The following VWC2L variants were observed in gnomAD, a reference collection of about 807,000 sequenced individuals.
VWC2L encodes the protein von Willebrand factor C domain-containing protein 2-like.
Under a neutral mutation model 21.6 loss-of-function variants are expected in VWC2L, and 10 were observed. The observed-to-expected ratio is 0.46, with a 90% confidence interval of 0.29 to 0.78. The LOEUF is 0.78. Among genes scored for constraint, VWC2L ranks in the 30% least tolerant of loss-of-function variants. The pLI, the probability that VWC2L is intolerant of heterozygous loss-of-function variation, is 0.10. For synonymous variants in VWC2L, 96 were observed against 94.3 expected, an observed-to-expected ratio of 1.02 and a Z score of -0.10; for missense variants, 209 against 277.1, an observed-to-expected ratio of 0.75 and a Z score of 1.74.
chr2:214,434,643 A>G (rs528106072), intron 2 of VWC2L, among the ~76,000 whole-genome samples: 195 of 152,282 alleles, frequency 1.3e-3, no homozygotes, highest in African/African-American at 4.6e-3. Flanking sequence ...AAAGATAAAA[A>G]CAAGTCTTGC....
At chr2:214,489,497 T>C (rs1430896596) in intron 3 of VWC2L, among the ~76,000 whole-genome samples, 1 of 152,142 alleles carries the variant, frequency 6.6e-6, no homozygotes, top group East Asian at 1.9e-4. Flanking sequence ...AGTACAGAGA[T>C]TTTAAATATG....
intron 3 of VWC2L, among the ~76,000 whole-genome samples, chr2:214,458,604 A>G (rs902209097): frequency 6.6e-6 from 1 of 152,008 alleles, no homozygotes; most frequent in Non-Finnish European, 1.5e-5. Context: ...CTTTTGCTCT[A>G]TTACCATGGG....
chr2:214,491,697 G>A (rs975581295), intron 3 of VWC2L, among the ~76,000 whole-genome samples: 2 of 152,134 alleles, frequency 1.3e-5, no homozygotes, highest in Non-Finnish European at 2.9e-5. Flanking sequence ...ATAGAAGAAA[G>A]GAGAGAACAC....
chr2:214,495,819 T>C (rs55973916), intron 3 of VWC2L, among the ~76,000 whole-genome samples: 19,726 of 152,186 alleles, frequency 0.13, 1,582 homozygotes, highest in Non-Finnish European at 0.17. Context: ...AAAGGAAGCA[T>C]AACCTCTTTC....
chr2:214,522,085 T>C (rs990394607), intron 3 of VWC2L, among the ~76,000 whole-genome samples: 5 of 152,150 alleles, frequency 3.3e-5, no homozygotes, highest in Non-Finnish European at 7.4e-5. Context: ...CTTTTACAAA[T>C]TGTATTTTGG....
chr2:214,497,990 C>T (rs1429496922), intron 3 of VWC2L, among the ~76,000 whole-genome samples: 3 of 152,168 alleles, frequency 2.0e-5, no homozygotes, highest in African/African-American at 7.2e-5. Context: ...ATGTTTTCCT[C>T]ATCATGTGAC....
At chr2:214,484,186 G>A (rs1559304641) in intron 3 of VWC2L, among the ~76,000 whole-genome samples, 1 of 152,086 alleles carries the variant, frequency 6.6e-6, no homozygotes, top group African/African-American at 2.4e-5. Context: ...AATCCAATAT[G>A]ACCTCATCTA....
intron 3 of VWC2L, among the ~76,000 whole-genome samples, chr2:214,563,000 C>T (rs1690000578): frequency 6.6e-6 from 1 of 152,098 alleles, no homozygotes; most frequent in South Asian, 2.1e-4. Context: ...GTTGAAACTG[C>T]TTTTGATTAT....
intron 2 of VWC2L, among the ~76,000 whole-genome samples, chr2:214,433,443 T>C (rs1384967372): frequency 6.6e-6 from 1 of 152,090 alleles, no homozygotes; most frequent in Admixed American, 6.6e-5. Context: ...AAAATGCTAG[T>C]AGAAATAATT....
At chr2:214,482,399 C>G (rs929976537) in intron 3 of VWC2L, among the ~76,000 whole-genome samples, 1 of 151,902 alleles carries the variant, frequency 6.6e-6, no homozygotes, top group Non-Finnish European at 1.5e-5. Flanking sequence ...ATTACTGACC[C>G]CAGTACCAGC....
chr2:214,411,904 C>T (rs1427160060), intron 1 of VWC2L, 118 bp downstream of exon 1: 2 of 151,990 alleles, frequency 1.3e-5, no homozygotes, highest in Non-Finnish European at 2.9e-5. Flanking sequence ...AAGTGATCCT[C>T]AGTTTAGCAG....
At position 214,575,982 on chromosome 2, in the gene VWC2L, A is replaced by AATT; in HGVS notation, c.*163_*165dup. Reference sequence around the variant, plus strand: ...AAAAGTGAATATTTTCCTAAGAGGAAATTTCTTTCTCTCTTGCTATATAAA... The same window carrying AATT: ...AAAAGTGAATATTTTCCTAAGAGGAAATTATTTCTTTCTCTCTTGCTATATAAA... On this transcript the variant is annotated 3_prime_UTR_variant, in exon 4 of 4. Coordinates refer to ENST00000312504, the MANE Select transcript of VWC2L (RefSeq NM_001080500.4). 1 of 701,300 alleles carries AATT rather than the reference A, an allele frequency of 1.4e-6. No individual in the cohort carries two copies. The highest frequency in any genetic ancestry group is 2.3e-6 in the Non-Finnish European group (1 of 443,674). 43.4% of individuals were successfully genotyped at this position (701,300 alleles called of 1,614,324 possible). A position where few individuals can be genotyped will look rare whatever the true frequency, so the allele number is the denominator to read the frequency against.
At chr2:214,547,448 G>A (rs777104647) in intron 3 of VWC2L, among the ~76,000 whole-genome samples, 6 of 152,164 alleles carry the variant, frequency 3.9e-5, no homozygotes, top group African/African-American at 7.2e-5. Context: ...GGCTGAAAGG[G>A]TAGAAGATAT....
At chr2:214,512,326 G>A (rs1382508674) in intron 3 of VWC2L, among the ~76,000 whole-genome samples, 1 of 152,098 alleles carries the variant, frequency 6.6e-6, no homozygotes, top group African/African-American at 2.4e-5. Flanking sequence ...AATACTGCAT[G>A]TTCACTTATA....
intron 3 of VWC2L, among the ~76,000 whole-genome samples, chr2:214,445,880 A>T (rs867796960): frequency 5.3e-5 from 8 of 152,138 alleles, no homozygotes; most frequent in African/African-American, 1.9e-4. Flanking sequence ...TTTGTACTCT[A>T]TCAACTAATT....
intron 3 of VWC2L, among the ~76,000 whole-genome samples, chr2:214,498,564 T>C (rs1688843092): frequency 6.6e-6 from 1 of 151,736 alleles, no homozygotes; most frequent in Admixed American, 6.6e-5. Flanking sequence ...ATGAATACTA[T>C]AATATATAAA....
intron 3 of VWC2L, among the ~76,000 whole-genome samples, chr2:214,575,252 G>T (rs1690211345): frequency 6.6e-6 from 1 of 152,042 alleles, no homozygotes; most frequent in Non-Finnish European, 1.5e-5. Flanking sequence ...CCCACCACAG[G>T]AAAAGAGAAG....
chr2:214,414,700 T>A, intron 2 of VWC2L, 117 bp downstream of exon 2: 1 of 1,142,472 alleles, frequency 8.8e-7, no homozygotes, highest in Non-Finnish European at 1.2e-6. Context: ...CTTTAAATTA[T>A]ACAATTTGAT....
rs1688706008 is a variant in VWC2L, at chr2:214,488,659, T to C, written c.520+51901T>C. Among the ~76,000 whole-genome samples, 3 of 152,300 alleles carry C rather than the reference T, an allele frequency of 2.0e-5. No individual in the cohort carries two copies. In the South Asian group the frequency reaches 6.2e-4, roughly 32 times the overall value. The stretch of plus-strand genomic sequence containing the variant: ...TGTCTTCATCTGTTCTGGGTTGTTA[T>C]AAAGGAATACCTGAGACTGGGTAAT... On this transcript the variant is annotated intron_variant, in intron 3 of 3. Transcript: ENST00000312504.
Sources: gnomAD v4.1 joint callset for allele counts (sites outside exome capture counted in the v4.1 genomes callset) on GRCh38, gnomAD v4.1.1 for gene constraint, MANE v1.5 for transcripts, NCBI Gene and HGNC (gene_info 2026-07-23, HGNC 2026-07-21) for gene names.